Variants in CTPS2 observed in about 807,000 individuals in gnomAD.
CTPS2 encodes the protein CTP synthase 2.
A neutral mutation model predicts 46.8 loss-of-function variants in CTPS2; 19 were observed. The observed-to-expected ratio is 0.41, with a 90% confidence interval of 0.28 to 0.60. The LOEUF (loss-of-function observed/expected upper bound fraction) is 0.60. CTPS2 is among the 20% of genes least tolerant of loss of function. The pLI, the probability that CTPS2 is intolerant of heterozygous loss-of-function variation, is 0.35. For synonymous variants in CTPS2, 151 were observed against 165.2 expected (o/e 0.91, Z 0.66); for missense variants, 286 against 447.6 (o/e 0.64, Z 3.26).
chrX:16,603,416 A>AAAAT (rs3053010), intron 17 of CTPS2, among the ~76,000 whole-genome samples: 23,902 of 88,313 alleles, frequency 0.27, 2,866 homozygotes, highest in South Asian at 0.45. Flanking sequence ...ACTTGTCTCA[A>AAAAT]AAATAAATAA....
chrX:16,645,822 A>G (rs1011586263), intron 13 of CTPS2, among the ~76,000 whole-genome samples: 1 of 112,415 alleles, frequency 8.9e-6, no homozygotes, highest in African/African-American at 3.2e-5. Flanking sequence ...TATCATTGGA[A>G]TGGGTTAGTT....
intron 17 of CTPS2, among the ~76,000 whole-genome samples, chrX:16,599,476 CTTTT>C (rs56794396): frequency 2.3e-5 from 2 of 86,209 alleles, no homozygotes; most frequent in Non-Finnish European, 4.5e-5. Context: ...TCTTTTTTTT[CTTTT>C]TTTTTTTTTT....
intron 13 of CTPS2, among the ~76,000 whole-genome samples, chrX:16,641,032 G>A (rs1303800161): frequency 8.9e-6 from 1 of 111,864 alleles, no homozygotes; most frequent in Admixed American, 9.5e-5. Context: ...TTGGCATCTT[G>A]TTCCTATCTT....
intron 13 of CTPS2, 37 bp downstream of exon 13, chrX:16,667,477 C>A: frequency 2.5e-6 from 3 of 1,199,954 alleles, no homozygotes; most frequent in Non-Finnish European, 1.1e-6. Flanking sequence ...ACCCAAGTGA[C>A]AATGACTGGA....
chrX:16,658,001 T>C (rs752081558), intron 13 of CTPS2, among the ~76,000 whole-genome samples: 1 of 111,318 alleles, frequency 9.0e-6, no homozygotes, highest in South Asian at 3.8e-4. Context: ...AGTCTAATAG[T>C]TCAAGACTAG....
intron 17 of CTPS2, among the ~76,000 whole-genome samples, chrX:16,596,331 T>C (rs1394148732): frequency 9.7e-6 from 1 of 103,115 alleles, no homozygotes; most frequent in Non-Finnish European, 2.0e-5. Flanking sequence ...CCCAATGCTA[T>C]CCCTCCCCCC....
Position 16,617,305 on chromosome X carries a change from G to T in CTPS2, c.1450-59C>A, listed in dbSNP as rs1487871915. On this transcript the variant is annotated intron_variant, in intron 15 of 18. Transcript: ENST00000359276. ...CAGTGCAATACCAGCTGCCATACCA[G>T]GTCCTTCATCAGTTGGGTGGGTTTT... 4.7e-6 allele frequency: 4 copies of T among 857,178 alleles called. No homozygotes were observed. In the African/African-American group the frequency reaches 6.0e-5, roughly 13 times the overall value. 70.6% of individuals were successfully genotyped at this position (857,178 alleles called of 1,213,427 possible). A position where few individuals can be genotyped will look rare whatever the true frequency, so the allele number is the denominator to read the frequency against.
At chrX:16,701,144 A>G (rs936355718) in intron 2 of CTPS2, among the ~76,000 whole-genome samples, 6 of 112,262 alleles carry the variant, frequency 5.3e-5, no homozygotes, top group Non-Finnish European at 9.4e-5. Flanking sequence ...AGACTTGAAT[A>G]AGTCATTCAC....
chrX:16,665,843 T>C (rs1354014890), intron 13 of CTPS2, among the ~76,000 whole-genome samples: 3 of 112,047 alleles, frequency 2.7e-5, no homozygotes, highest in Non-Finnish European at 5.6e-5. Flanking sequence ...CAACGCCTCC[T>C]GGGTTCAAGC....
rs1490300686 is a variant in CTPS2, at chrX:16,637,910, G to T, written c.1393+1237C>A. On this transcript the variant is annotated intron_variant, in intron 14 of 18. Transcript: ENST00000359276. ...AGAAGGTTTATATTCATCTTTAAAG[G>T]AAAAGCTCATATTTCTGGTCTTACT... Among the ~76,000 whole-genome samples, 4 of 111,673 alleles carry T rather than the reference G, an allele frequency of 3.6e-5. No homozygotes were observed. The Admixed American group carries it at 3.8e-4, about 11-fold the overall frequency.
intron 13 of CTPS2, among the ~76,000 whole-genome samples, chrX:16,644,672 G>A (rs1447410716): frequency 8.9e-6 from 1 of 111,896 alleles, no homozygotes; most frequent in Non-Finnish European, 1.9e-5. Flanking sequence ...GGATTCTCTC[G>A]TACACCCTCC....
intron 17 of CTPS2, among the ~76,000 whole-genome samples, chrX:16,607,248 T>G (rs1434767856): frequency 8.8e-6 from 1 of 113,025 alleles, no homozygotes; most frequent in Non-Finnish European, 1.9e-5. Context: ...TGTGAGAATC[T>G]AAAATAACGG....
intron 14 of CTPS2, among the ~76,000 whole-genome samples, chrX:16,628,752 G>A (rs1362682979): frequency 9.0e-6 from 1 of 111,546 alleles, no homozygotes; most frequent in Non-Finnish European, 1.9e-5. Context: ...TGGCAAGTGG[G>A]GAGCTAGCAG....
chrX:16,708,656 A>G (rs1359607897), intron 1 of CTPS2, among the ~76,000 whole-genome samples: 1 of 111,376 alleles, frequency 9.0e-6, no homozygotes, highest in Non-Finnish European at 1.9e-5. Context: ...TCTATGTTCC[A>G]CTGGACTTCA....
chrX:16,631,528 GAAAT>G (rs975552818), intron 14 of CTPS2, among the ~76,000 whole-genome samples: 21 of 110,981 alleles, frequency 1.9e-4, no homozygotes, highest in South Asian at 7.6e-4. Flanking sequence ...CTAAAATAAA[GAAAT>G]AAATAAATAA....
At chrX:16,594,899 G>A (rs999425248) in intron 17 of CTPS2, among the ~76,000 whole-genome samples, 4 of 112,644 alleles carry the variant, frequency 3.6e-5, no homozygotes, top group Middle Eastern at 4.6e-3. Flanking sequence ...ATTTTAGGAC[G>A]TTCATCTGCC....
intron 14 of CTPS2, among the ~76,000 whole-genome samples, chrX:16,621,013 T>A (rs1031303582): frequency 8.9e-6 from 1 of 111,896 alleles, no homozygotes; most frequent in African/African-American, 3.3e-5. Flanking sequence ...GGAAGCAAGC[T>A]GAGCATCAAG....
chrX:16,694,030 G>A (rs1923913135), intron 4 of CTPS2, among the ~76,000 whole-genome samples: 1 of 110,200 alleles, frequency 9.1e-6, no homozygotes, highest in African/African-American at 3.3e-5. Context: ...TGGACGTGGT[G>A]GGGCACACCT....
intron 14 of CTPS2, among the ~76,000 whole-genome samples, chrX:16,622,132 C>T (rs781237085): frequency 7.2e-5 from 8 of 110,623 alleles, no homozygotes; most frequent in South Asian, 3.9e-4. Context: ...AGGCCGGGCG[C>T]GGTGGCTCAC....
Sources: gnomAD v4.1 joint callset for allele counts (sites outside exome capture counted in the v4.1 genomes callset) on GRCh38, gnomAD v4.1.1 for gene constraint, MANE v1.5 for transcripts, NCBI Gene and HGNC (gene_info 2026-07-23, HGNC 2026-07-21) for gene names.